RGS6: variants seen among roughly 807,000 people sequenced by gnomAD.
The protein encoded by RGS6 is regulator of G-protein signaling 6.
Under a neutral mutation model 78.5 loss-of-function variants are expected in RGS6, and 30 were observed. The ratio of observed to expected loss-of-function variants is 0.38; its 90% confidence interval spans 0.29 to 0.52. RGS6 has a LOEUF of 0.52. Among genes scored for constraint, RGS6 ranks in the 20% least tolerant of loss-of-function variants. RGS6 has a pLI of 0.85. For missense variants in RGS6, 495 were observed against 609.7 expected, an observed-to-expected ratio of 0.81 and a Z score of 1.98; for synonymous variants, 206 against 206.0, an observed-to-expected ratio of 1.00 and a Z score of 0.00.
At chr14:71,939,470 A>G (rs1163394458) in intron 1 of RGS6, among the ~76,000 whole-genome samples, 1 of 152,240 alleles carries the variant, frequency 6.6e-6, no homozygotes, top group African/African-American at 2.4e-5. Flanking sequence ...GTCTCTCTGA[A>G]TAAGATTATG....
At chr14:72,405,157 G>T (rs937060069) in intron 3 of RGS6, among the ~76,000 whole-genome samples, 1 of 152,186 alleles carries the variant, frequency 6.6e-6, no homozygotes, top group African/African-American at 2.4e-5. Context: ...AGAACGTAAA[G>T]GGGGAGCTGG....
intron 2 of RGS6, among the ~76,000 whole-genome samples, chr14:72,149,183 T>C (rs2096648370): frequency 6.6e-6 from 1 of 152,210 alleles, no homozygotes; most frequent in African/African-American, 2.4e-5. Flanking sequence ...CTTCAGAGCT[T>C]GGTCTGCTGG....
Position 72,488,920 on chromosome 14 carries a change from T to C in RGS6, c.855-6232T>C, listed in dbSNP as rs768383706. 3.3e-5 allele frequency among the ~76,000 whole-genome samples: 5 copies of C among 152,150 alleles called. No homozygotes were observed. In the South Asian group the frequency reaches 8.3e-4, roughly 25 times the overall value. On this transcript the variant is annotated intron_variant, in intron 12 of 17. Coordinates refer to ENST00000553525, the MANE Select transcript of RGS6 (RefSeq NM_001204424.2). ...AAAACCCCAGCCTGTCTCATTGAAA[T>C]CTAAGGAAGCAAGAGGGAGGAGGGG...
chr14:72,307,862 G>A (rs942070752), intron 2 of RGS6, among the ~76,000 whole-genome samples: 1 of 152,178 alleles, frequency 6.6e-6, no homozygotes, highest in Non-Finnish European at 1.5e-5. Context: ...TGACATGCAT[G>A]TTATTTCTTT....
intron 2 of RGS6, among the ~76,000 whole-genome samples, chr14:72,324,259 A>G (rs1002298009): frequency 6.6e-6 from 1 of 152,252 alleles, no homozygotes; most frequent in Admixed American, 6.5e-5. Context: ...CAAAAATGTT[A>G]TTGAAACAAC....
chr14:72,192,690 A>G (rs899443278), intron 2 of RGS6, among the ~76,000 whole-genome samples: 1 of 152,258 alleles, frequency 6.6e-6, no homozygotes, highest in African/African-American at 2.4e-5. Flanking sequence ...ACAATAAATA[A>G]AAGGCAATAA....
intron 2 of RGS6, among the ~76,000 whole-genome samples, chr14:72,228,563 G>A (rs2048728091): frequency 6.6e-6 from 1 of 152,148 alleles, no homozygotes; most frequent in East Asian, 1.9e-4. Flanking sequence ...TGAGGTCAGA[G>A]GCAGGGAAAT....
chr14:71,933,132 G>A (rs2088122940), intron 1 of RGS6, 191 bp downstream of exon 1: 1 of 152,636 alleles, frequency 6.6e-6, no homozygotes, highest in African/African-American at 2.4e-5. Context: ...GGAAGCACGA[G>A]CTTACATAAG....
At chr14:72,059,510 G>C (rs1221224589) in intron 2 of RGS6, among the ~76,000 whole-genome samples, 1 of 152,148 alleles carries the variant, frequency 6.6e-6, no homozygotes, top group East Asian at 1.9e-4. Context: ...TATGGTAACT[G>C]TTTTGTGTTT....
intron 13 of RGS6, among the ~76,000 whole-genome samples, chr14:72,502,472 C>T (rs569424831): frequency 7.2e-5 from 11 of 152,220 alleles, no homozygotes; most frequent in African/African-American, 1.9e-4. Flanking sequence ...TGTTACACAG[C>T]GTAAATAACT....
chr14:72,422,148 C>T (rs1279405653), intron 3 of RGS6, among the ~76,000 whole-genome samples: 1 of 152,204 alleles, frequency 6.6e-6, no homozygotes, highest in Non-Finnish European at 1.5e-5. Flanking sequence ...ACTTGCACCT[C>T]CTTGCCTTCT....
chr14:72,540,286 A>G (rs747780324), intron 17 of RGS6, 192 bp downstream of exon 17: 1 of 1,517,108 alleles, frequency 6.6e-7, no homozygotes, highest in Admixed American at 2.4e-5. Context: ...AAAATGCAAA[A>G]AAGAGCAAGC....
At chr14:72,473,070 G>A (rs17116237) in intron 9 of RGS6, 117 bp downstream of exon 9, 8,723 of 657,884 alleles carry the variant, frequency 0.013, 220 homozygotes, top group South Asian at 0.063. Context: ...AAATCGCTCA[G>A]CTTTGTGGAA....
intron 2 of RGS6, among the ~76,000 whole-genome samples, chr14:72,090,662 T>G (rs764917651): frequency 6.6e-6 from 1 of 152,234 alleles, no homozygotes; most frequent in Non-Finnish European, 1.5e-5. Context: ...GGAGACTGCT[T>G]CTTTTAATGA....
rs187201942 is a variant in RGS6 at position 72,424,230 on chromosome 14, G to A, written c.185-30298G>A. Among the ~76,000 whole-genome samples the A allele has an allele frequency of 3.2e-4, 49 of 152,320 alleles. No homozygotes were observed. In the East Asian group the frequency reaches 9.1e-3, roughly 28 times the overall value. On this transcript the variant is annotated intron_variant, in intron 3 of 17. Coordinates refer to ENST00000553525, the MANE Select transcript of RGS6 (RefSeq NM_001204424.2). ...TTCTGTCCTATTCCAGTCTTTGCTA[G>A]AATGTGTCAAGTGCTGTGGGCTTGA...
intron 2 of RGS6, among the ~76,000 whole-genome samples, chr14:72,314,890 T>G (rs1306762395): frequency 6.6e-6 from 1 of 152,214 alleles, no homozygotes; most frequent in African/African-American, 2.4e-5. Context: ...CATGATAAAT[T>G]CTGTGCATGT....
chr14:72,106,622 A>G (rs1341833535), intron 2 of RGS6, among the ~76,000 whole-genome samples: 1 of 152,086 alleles, frequency 6.6e-6, no homozygotes, highest in Non-Finnish European at 1.5e-5. Flanking sequence ...TTGCCTTTTT[A>G]TAGTTGTGTC....
Position 72,206,205 on chromosome 14 carries a change from C to A in RGS6, c.85-145890C>A, listed in dbSNP as rs2042671605. On this transcript the variant is annotated intron_variant, in intron 2 of 17. Transcript: ENST00000553525. ...GCAGGCTTGGTACAGGGGCTTATGC[C>A]TGTAATCCCAGAACTTCGGGAGGCC... Among the ~76,000 whole-genome samples the A allele has an allele frequency of 5.3e-5, 8 of 152,196 alleles. 1 individual carries two copies. In the South Asian group the frequency reaches 1.7e-3, roughly 32 times the overall value.
At chr14:72,168,830 C>T (rs1313076681) in intron 2 of RGS6, among the ~76,000 whole-genome samples, 2 of 152,182 alleles carry the variant, frequency 1.3e-5, no homozygotes, top group African/African-American at 2.4e-5. Flanking sequence ...CCCTCTAAAG[C>T]GTGGAGTCCC....
Sources: gnomAD v4.1 joint callset for allele counts (sites outside exome capture counted in the v4.1 genomes callset) on GRCh38, gnomAD v4.1.1 for gene constraint, MANE v1.5 for transcripts, NCBI Gene and HGNC (gene_info 2026-07-23, HGNC 2026-07-21) for gene names.